SIPA1L3: variants seen among roughly 807,000 people sequenced by gnomAD.
The protein encoded by SIPA1L3 is signal-induced proliferation-associated 1-like protein 3.
A neutral mutation model predicts 150.1 loss-of-function variants in SIPA1L3; 59 were observed. That is an observed-to-expected ratio of 0.39 (90% CI 0.32 to 0.49). The LOEUF (loss-of-function observed/expected upper bound fraction) is 0.49. SIPA1L3 is among the 20% of genes least tolerant of loss of function. The pLI is 0.86. For synonymous variants in SIPA1L3, 1,070 were observed against 1,077.6 expected, an observed-to-expected ratio of 0.99 and a Z score of 0.14; for missense variants, 2,211 against 2,489.5, an observed-to-expected ratio of 0.89 and a Z score of 2.38.
chr19:38,070,011 T>C (rs1969680813), intron 2 of SIPA1L3, among the ~76,000 whole-genome samples: 1 of 151,774 alleles, frequency 6.6e-6, no homozygotes, highest in Admixed American at 6.6e-5. Flanking sequence ...CCTCTGTACC[T>C]CTATTGTATG....
intron 1 of SIPA1L3, among the ~76,000 whole-genome samples, chr19:37,916,080 A>G (rs1337834529): frequency 6.6e-6 from 1 of 151,754 alleles, no homozygotes; most frequent in Non-Finnish European, 1.5e-5. Context: ...AGGCTGGAGT[A>G]TAGTGGTATG....
At chr19:37,972,952 C>G (rs986886062) in intron 1 of SIPA1L3, among the ~76,000 whole-genome samples, 2 of 152,154 alleles carry the variant, frequency 1.3e-5, no homozygotes, top group African/African-American at 4.8e-5. Flanking sequence ...TCACTCCTTC[C>G]CTGTGATCCT....
At chr19:38,001,577 C>T (rs1329783199) in intron 1 of SIPA1L3, among the ~76,000 whole-genome samples, 4 of 152,056 alleles carry the variant, frequency 2.6e-5, no homozygotes, top group African/African-American at 7.2e-5. Flanking sequence ...AGGCATGTGC[C>T]ACCATGCCTG....
intron 1 of SIPA1L3, among the ~76,000 whole-genome samples, chr19:37,944,923 C>T (rs1442546422): frequency 6.6e-6 from 1 of 152,070 alleles, no homozygotes; most frequent in East Asian, 1.9e-4. Context: ...TGCACTCCAG[C>T]CTGGGTGATA....
chr19:37,924,907 G>A (rs922909035), intron 1 of SIPA1L3, among the ~76,000 whole-genome samples: 3 of 151,276 alleles, frequency 2.0e-5, no homozygotes, highest in Non-Finnish European at 4.4e-5. Flanking sequence ...AAATTAGCTG[G>A]GCGACGTGGC....
At chr19:37,920,185 A>C (rs916824593) in intron 1 of SIPA1L3, among the ~76,000 whole-genome samples, 2 of 151,684 alleles carry the variant, frequency 1.3e-5, no homozygotes, top group African/African-American at 4.8e-5. Context: ...CAGCCTTCTG[A>C]ATAGTTGGGA....
intron 12 of SIPA1L3, among the ~76,000 whole-genome samples, chr19:38,144,449 A>G (rs1971663453): frequency 6.6e-6 from 1 of 152,224 alleles, no homozygotes; most frequent in Non-Finnish European, 1.5e-5. Flanking sequence ...GTGGTTCTCA[A>G]TCTTTAGCAG....
chr19:38,206,326 G>T lies in SIPA1L3; in HGVS notation c.*86G>T. ...TCCCTCCACTCAGCTCCCAGCTGCC[G>T]GTGTGACCAAGATGACCCATCCAGG... is the stretch of plus-strand genomic sequence containing the variant. On this transcript the variant is annotated 3_prime_UTR_variant, in exon 22 of 22. Coordinates refer to ENST00000222345, the MANE Select transcript of SIPA1L3 (RefSeq NM_015073.3). 6.9e-7 allele frequency: 1 copy of T among 1,448,272 alleles called. No individual in the cohort carries two copies. The highest frequency in any genetic ancestry group is 9.2e-7 in the Non-Finnish European group (1 of 1,084,010). 89.7% of individuals were successfully genotyped at this position (1,448,272 alleles called of 1,614,324 possible).
chr19:37,951,194 C>T (rs1445598534), intron 1 of SIPA1L3, among the ~76,000 whole-genome samples: 2 of 152,224 alleles, frequency 1.3e-5, no homozygotes, highest in Non-Finnish European at 2.9e-5. Flanking sequence ...AAGGCTGTCA[C>T]TTTCTGATTT....
At chr19:38,056,163 G>A (rs908543295) in intron 2 of SIPA1L3, among the ~76,000 whole-genome samples, 3 of 152,218 alleles carry the variant, frequency 2.0e-5, no homozygotes, top group Admixed American at 1.3e-4. Flanking sequence ...GATCTGAGGA[G>A]CAGTCAGATC....
chr19:38,192,334 T>C (rs1262132073), intron 17 of SIPA1L3, 24 bp downstream of exon 17: 1 of 1,560,762 alleles, frequency 6.4e-7, no homozygotes, highest in Non-Finnish European at 8.7e-7. Context: ...TGTCCCCCGC[T>C]CCCGACCCCC....
chr19:37,995,534 AG>A (rs1967618071), intron 1 of SIPA1L3, among the ~76,000 whole-genome samples: 1 of 152,190 alleles, frequency 6.6e-6, no homozygotes, highest in Admixed American at 6.5e-5. Flanking sequence ...GGGGGAACAC[AG>A]GAAAGAGAAA....
At chr19:37,955,258 G>A (rs556463373) in intron 1 of SIPA1L3, among the ~76,000 whole-genome samples, 1 of 152,062 alleles carries the variant, frequency 6.6e-6, no homozygotes, top group East Asian at 1.9e-4. Flanking sequence ...AGGTGTGTTG[G>A]CACATGCCTG....
intron 2 of SIPA1L3, among the ~76,000 whole-genome samples, chr19:38,052,296 T>C (rs1268119006): frequency 6.6e-6 from 1 of 152,170 alleles, no homozygotes; most frequent in African/African-American, 2.4e-5. Context: ...ACAGGGAATT[T>C]GGTTAAAAAA....
At chr19:38,122,656 G>A (rs1280337032) in intron 9 of SIPA1L3, among the ~76,000 whole-genome samples, 4 of 152,152 alleles carry the variant, frequency 2.6e-5, no homozygotes, top group African/African-American at 7.2e-5. Flanking sequence ...CCATGAGGCC[G>A]GGTGTGAACT....
At chr19:37,978,068 G>A (rs1014661787) in intron 1 of SIPA1L3, among the ~76,000 whole-genome samples, 4 of 152,178 alleles carry the variant, frequency 2.6e-5, no homozygotes. Flanking sequence ...TTTAATAAAT[G>A]GGGACTAAAT....
intron 2 of SIPA1L3, among the ~76,000 whole-genome samples, chr19:38,069,034 G>A (rs1026320313): frequency 3.3e-5 from 5 of 152,048 alleles, no homozygotes; most frequent in Admixed American, 1.3e-4. Context: ...CCACTGCCCC[G>A]CCCACATGTG....
rs556720685 is a variant in SIPA1L3 at position 38,055,287 on chromosome 19, T to C, written c.-310-25969T>C. 3.9e-4 allele frequency among the ~76,000 whole-genome samples: 59 copies of C among 152,296 alleles called. No individual in the cohort carries two copies. In the East Asian group the frequency reaches 0.011, roughly 28 times the overall value. On this transcript the variant is annotated intron_variant, in intron 2 of 21. Transcript: ENST00000222345. ...AGGGCAGCTGGGGGCGGCGCCACTG[T>C]TGGGGGGTGCAGGGACAGGGAGCAG...
chr19:38,143,105 G>T (rs148317109), intron 12 of SIPA1L3, among the ~76,000 whole-genome samples: 340 of 152,130 alleles, frequency 2.2e-3, no homozygotes, highest in African/African-American at 7.5e-3. Context: ...CTGCAACCTG[G>T]CAGCCTGAGA....
Sources: allele counts gnomAD v4.1 joint callset (sites outside exome capture counted in the v4.1 genomes callset), GRCh38; gene constraint gnomAD v4.1.1; transcripts MANE v1.5; gene names NCBI Gene and HGNC (gene_info 2026-07-23, HGNC 2026-07-21).